Variants in MAGEA11 observed in about 807,000 individuals in gnomAD.
MAGEA11 encodes melanoma-associated antigen 11.
In MAGEA11, 1 loss-of-function variant was observed where a neutral mutation model predicts 8.4. That is an observed-to-expected ratio of 0.12 (90% CI 0.04 to 0.57). The LOEUF (loss-of-function observed/expected upper bound fraction) is 0.57, where lower values mean the gene tolerates loss of function less well. MAGEA11 is among the 20% of genes least tolerant of loss of function. The pLI, the probability that MAGEA11 is intolerant of heterozygous loss-of-function variation, is 0.91. For missense variants in MAGEA11, 209 were observed against 317.3 expected (o/e 0.66, Z 2.59); for synonymous variants, 127 against 119.3 (o/e 1.06, Z -0.42).
chrX:149,695,860 A>G (rs1557360500), intron 1 of MAGEA11, among the ~76,000 whole-genome samples: 1 of 112,027 alleles, frequency 8.9e-6, no homozygotes, highest in Non-Finnish European at 1.9e-5. Flanking sequence ...ATGTGGTATG[A>G]TTTTGTTGGC....
At chrX:149,694,470 C>A (rs1391055904) in intron 1 of MAGEA11, among the ~76,000 whole-genome samples, 1 of 111,872 alleles carries the variant, frequency 8.9e-6, no homozygotes, top group East Asian at 2.8e-4. Context: ...AGATCCTTAT[C>A]CCTATGATTA....
Position 149,697,542 on chromosome X carries a change from G to A in MAGEA11, c.9+8558G>A, listed in dbSNP as rs1425584228. On this transcript the variant is annotated intron_variant, in intron 1 of 3. Coordinates refer to the MAGEA11 transcript ENST00000333104. The stretch of plus-strand genomic sequence containing the variant: ...CCTGCAGTCCTGTACCCATATGGAA[G>A]GTCCATGATGCCCCTGAGTCTTTTT... Among the ~76,000 whole-genome samples, 3 of 110,629 alleles carry A rather than the reference G, an allele frequency of 2.7e-5. No homozygotes were observed. The Admixed American group carries it at 2.9e-4, about 11-fold the overall frequency.
intron 1 of MAGEA11, among the ~76,000 whole-genome samples, chrX:149,704,916 C>G (rs1557361308): frequency 1.8e-5 from 2 of 112,970 alleles, no homozygotes; most frequent in African/African-American, 6.4e-5. Context: ...CATGTGGACT[C>G]TCACTGCATC....
At chrX:149,689,072 T>A in intron 1 of MAGEA11, 1 of 829,943 alleles carries the variant, frequency 1.2e-6, no homozygotes, top group South Asian at 2.0e-5. Context: ...TAAAGGGCTA[T>A]GAAAAATGAT....
chrX:149,714,207 T>G, intron 2 of MAGEA11: 1 of 323,752 alleles, frequency 3.1e-6, no homozygotes, highest in Non-Finnish European at 5.4e-6. Context: ...TCATCACGGG[T>G]GGCCCCAAGT....
intron 1 of MAGEA11, among the ~76,000 whole-genome samples, chrX:149,702,634 A>C (rs1014667298): frequency 1.8e-5 from 2 of 111,257 alleles, no homozygotes; most frequent in Non-Finnish European, 1.9e-5. Flanking sequence ...ATATTTCCCC[A>C]ATCTCTGACT....
upstream of MAGEA11, among the ~76,000 whole-genome samples, chrX:149,710,638 T>G (rs1557361840): frequency 9.1e-6 from 1 of 110,146 alleles, no homozygotes; most frequent in Non-Finnish European, 1.9e-5. Flanking sequence ...TTTTTCTTTT[T>G]CTTTTTCTTT....
intron 1 of MAGEA11, 48 bp from the exon 2 acceptor site, chrX:149,713,095 C>CCG (rs782000769): frequency 0.011 from 9,573 of 860,065 alleles, 64 homozygotes; most frequent in South Asian, 0.041. Context: ...CCAGAACAGC[C>CCG]CCCCCCCATA....
intron 1 of MAGEA11, among the ~76,000 whole-genome samples, chrX:149,698,935 T>C (rs912178068): frequency 1.2e-4 from 13 of 112,095 alleles, no homozygotes; most frequent in African/African-American, 3.9e-4. Context: ...GCAAAGGACA[T>C]TATCTCATTC....
intron 1 of MAGEA11, among the ~76,000 whole-genome samples, chrX:149,698,102 G>A (rs797025468): frequency 8.9e-6 from 1 of 111,950 alleles, no homozygotes; most frequent in South Asian, 3.8e-4. Context: ...TACAATCAAT[G>A]TCATCTGCAG....
chrX:149,691,329 C>T (rs2090309590), intron 1 of MAGEA11, among the ~76,000 whole-genome samples: 2 of 111,452 alleles, frequency 1.8e-5, no homozygotes, highest in Non-Finnish European at 3.8e-5. Context: ...TCTCTATTAT[C>T]AGTGTCATGT....
chrX:149,695,677 G>A (rs1366774975), intron 1 of MAGEA11, among the ~76,000 whole-genome samples: 2 of 112,204 alleles, frequency 1.8e-5, no homozygotes, highest in African/African-American at 3.2e-5. Flanking sequence ...AGGGAAATGC[G>A]AGTCAAAACC....
At chrX:149,709,285 G>GA (rs782440028), upstream of MAGEA11, among the ~76,000 whole-genome samples, 411 of 79,264 alleles carry the variant, frequency 5.2e-3, 1 homozygote, top group South Asian at 0.02. Context: ...ACTCTGTCTC[G>GA]AAAAAAAAAA....
At chrX:149,704,403 G>C (rs1382376456) in intron 1 of MAGEA11, among the ~76,000 whole-genome samples, 1 of 112,253 alleles carries the variant, frequency 8.9e-6, no homozygotes, top group Admixed American at 9.4e-5. Flanking sequence ...GATTGAGAAG[G>C]GACTTCGCTC....
chrX:149,689,941 C>A (rs2090303416), intron 1 of MAGEA11, among the ~76,000 whole-genome samples: 1 of 112,155 alleles, frequency 8.9e-6, no homozygotes, highest in Non-Finnish European at 1.9e-5. Flanking sequence ...CTCCCTCCCT[C>A]CAATCCACTA....
In MAGEA11 at chrX:149,716,832, G is replaced by A. The variant is rs73606281; in HGVS notation, c.*56G>A. ...GGAAATGGGCCAATGCATGCTTCAG[G>A]GCCACACCCAGCAGTTTCCCTGTCC... On this transcript the variant is annotated 3_prime_UTR_variant, in exon 5 of 5. Transcript: ENST00000355220. 1.7e-4 allele frequency: 178 copies of A among 1,066,770 alleles called. No individual in the cohort carries two copies. In the African/African-American group the frequency reaches 3.1e-3, roughly 19 times the overall value. 87.9% of individuals were successfully genotyped at this position (1,066,770 alleles called of 1,213,427 possible). A position where few individuals can be genotyped will look rare whatever the true frequency, so the allele number is the denominator to read the frequency against.
intron 1 of MAGEA11, among the ~76,000 whole-genome samples, chrX:149,694,143 GT>G (rs2090321122): frequency 8.9e-6 from 1 of 112,233 alleles, no homozygotes; most frequent in Non-Finnish European, 1.9e-5. Flanking sequence ...CTTCCAAAAT[GT>G]TTTTCATAGC....
rs2090424949 is a variant in MAGEA11 at position 149,715,996 on chromosome X, T to C, written c.510T>C (p.Ser170=). Residue 170 remains serine (S), a synonymous_variant, in exon 5 of 5, where the codon AGT becomes AGC. Transcript: ENST00000355220. ...LEELPAAESP[S]PPQSPQEESF... is the part of the protein sequence containing the mutation. ...AGTTGCCTGCTGCTGAGTCACCAAG[T>C]CCTCCCCAGAGTCCTCAGGAAGAGT... The C allele has an allele frequency of 5.8e-6, 7 of 1,211,037 alleles. No individual in the cohort carries two copies. The highest frequency in any genetic ancestry group is 7.8e-6 in the Non-Finnish European group (7 of 895,311).
intron 1 of MAGEA11, among the ~76,000 whole-genome samples, chrX:149,704,964 G>A (rs1034801555): frequency 1.8e-5 from 2 of 112,773 alleles, no homozygotes; most frequent in East Asian, 5.6e-4. Context: ...TGTTTGCACT[G>A]ACCCTCAGTC....
Sources: allele counts gnomAD v4.1 joint callset (sites outside exome capture counted in the v4.1 genomes callset), GRCh38; gene constraint gnomAD v4.1.1; transcripts MANE v1.5; gene names NCBI Gene and HGNC (gene_info 2026-07-23, HGNC 2026-07-21).